MAP4: variants seen among roughly 807,000 people sequenced by gnomAD.
MAP4 encodes microtubule-associated protein 4.
In MAP4, 76 loss-of-function variants were observed where a neutral mutation model predicts 170.2. The ratio of observed to expected loss-of-function variants is 0.45; its 90% CI spans 0.37 to 0.54. The LOEUF is 0.54. Ranked by LOEUF, MAP4 falls within the 20% of genes least tolerant of loss-of-function variation. MAP4 has a pLI of 0.00. For synonymous variants in MAP4, 909 were observed against 994.5 expected (o/e 0.91, Z 1.62); for missense variants, 2,506 against 2,748.0 (o/e 0.91, Z 1.97).
chr3:47,923,812 A>C (rs2100044320), intron 4 of MAP4, among the ~76,000 whole-genome samples: 1 of 152,038 alleles, frequency 6.6e-6, no homozygotes, highest in African/African-American at 2.4e-5. Context: ...GTGAAACCCC[A>C]TCTCAAAATA....
chr3:47,915,953 G>C lies in MAP4; in HGVS notation c.1874C>G (p.Pro625Arg). Residue 625 changes from proline (P) to arginine (R), a missense_variant and splice_region_variant, in exon 7 of 21, where the codon CCA becomes CGA. By Grantham distance (103) the Pro-to-Arg change is moderately radical. This residue lies in a region of MAP4 where 2,008 missense variants were observed against 2,206.0 expected (regional missense o/e 0.91). Coordinates refer to ENST00000683076, the MANE Select transcript of MAP4 (RefSeq NM_001385682.1). ...QSAAPTFMIS[P>R]ETVTGTGKKC... ...TGAGAATAAGCACAAGCACGTACCT[G>C]GTGAAATCATGAAAGTAGGTGCAGC... is the stretch of plus-strand genomic sequence containing the variant. 6.2e-7 allele frequency: 1 copy of C among 1,608,372 alleles called. No homozygotes were observed.
At chr3:47,933,239 G>A (rs1577885211) in intron 3 of MAP4, among the ~76,000 whole-genome samples, 3 of 152,224 alleles carry the variant, frequency 2.0e-5, no homozygotes, top group South Asian at 4.1e-4. Context: ...GGTCAGAAAA[G>A]GGACTGGCTT....
chr3:47,915,779 G>A (rs2100038430), intron 7 of MAP4, among the ~76,000 whole-genome samples, 172 bp downstream of exon 7: 1 of 152,206 alleles, frequency 6.6e-6, no homozygotes, highest in Non-Finnish European at 1.5e-5. Context: ...AGGTGTTGGA[G>A]GTGGGAGGAG....
At chr3:48,088,733 G>GCCGCCCCTCCAATCGGACC (rs1293547142) in intron 1 of MAP4, 1 of 152,596 alleles carries the variant, frequency 6.6e-6, no homozygotes, top group Admixed American at 6.5e-5. Context: ...CAGTGAGGAG[G>GCCGCCCCTCCAATCGGACC]CCGCCCCTCC....
chr3:48,005,253 C>T (rs1253695794), intron 1 of MAP4, among the ~76,000 whole-genome samples: 2 of 152,002 alleles, frequency 1.3e-5, no homozygotes, highest in East Asian at 1.9e-4. Context: ...CCCAGCTACT[C>T]GGCAGGCTGA....
At chr3:47,896,542 CA>C (rs2100026981) in intron 10 of MAP4, among the ~76,000 whole-genome samples, 1 of 151,644 alleles carries the variant, frequency 6.6e-6, no homozygotes, top group East Asian at 1.9e-4. Context: ...AACAAACAAA[CA>C]AAAAAACAAC....
chr3:48,079,152 G>A (rs940610574), intron 1 of MAP4, among the ~76,000 whole-genome samples: 7 of 151,948 alleles, frequency 4.6e-5, no homozygotes, highest in African/African-American at 1.2e-4. Context: ...GCAACAGAGC[G>A]AGACCCTGTC....
In MAP4 at chr3:47,850,713, C is replaced by CTTTA. The variant is rs956745256; in HGVS notation, c.*2217_*2220dup. 4 of 154,218 alleles carry CTTTA rather than the reference C, an allele frequency of 2.6e-5. No homozygotes were observed. Among genetic ancestry groups the CTTTA allele is most frequent in the African/African-American group, 9.6e-5 (4 of 41,530 alleles). 9.6% of individuals were successfully genotyped at this position (154,218 alleles called of 1,614,324 possible). On this transcript the variant is annotated 3_prime_UTR_variant, in exon 21 of 21. Transcript: ENST00000683076. Reference sequence around the variant, plus strand: ...GCCTGCGTGATGGGACATCAGGCAGCTTTATTTATTTACTCTTAAAACTGT... The same window carrying CTTTA: ...GCCTGCGTGATGGGACATCAGGCAGCTTTATTTATTTATTTACTCTTAAAACTGT...
rs769235654 is a variant in MAP4, at chr3:47,958,682, A to ATT, written c.292+19181_292+19182dup. Among the ~76,000 whole-genome samples, 425 of 121,442 alleles carry ATT rather than the reference A, an allele frequency of 3.5e-3. 4 individuals are homozygous for ATT. Among genetic ancestry groups the ATT allele is most frequent in the African/African-American group, 0.012 (399 of 32,340 alleles). The allele number at this position is 121,442 out of a possible 152,430, so 79.7% of individuals were successfully genotyped here. ...CAGGGGTGTGCACCACACCCGGCTA[A>ATT]TTTTTTTTTTTTTTTTTTTTGAGAC... is the stretch of plus-strand genomic sequence containing the variant. On this transcript the variant is annotated intron_variant, in intron 3 of 20. Coordinates refer to ENST00000683076, the MANE Select transcript of MAP4 (RefSeq NM_001385682.1).
chr3:48,086,028 G>GATGACACA (rs2100148804), intron 1 of MAP4, among the ~76,000 whole-genome samples: 3 of 151,972 alleles, frequency 2.0e-5, no homozygotes, highest in East Asian at 1.9e-4. Flanking sequence ...CTCCAGCCTG[G>GATGACACA]GCAACAGAGT....
Position 47,911,298 on chromosome 3 carries a change from C to A in MAP4, c.3123G>T (p.Leu1041Phe), listed in dbSNP as rs1377953169. 2.0e-6 allele frequency: 3 copies of A among 1,536,106 alleles called. No homozygotes were observed. Among genetic ancestry groups the A allele is most frequent in the South Asian group, 2.4e-5 (2 of 84,054 alleles). Reference protein sequence around the residue: ...FTSEQLQGQVLVQVPGVENEP... With the variant: ...FTSEQLQGQVFVQVPGVENEP... ...CATTCTCTACCCCAGGGACCTGTAC[C>A]AACACTTGGCCCTGCAGCTGCTCAG... Residue 1041 changes from leucine (L) to phenylalanine (F), a missense_variant, in exon 9 of 21, where the codon TTG (leucine) becomes TTT (phenylalanine). By Grantham distance (22) the Leu-to-Phe change is conservative. This residue lies in a region of MAP4 where 2,008 missense variants were observed against 2,206.0 expected (regional missense o/e 0.91). Coordinates refer to ENST00000683076, the MANE Select transcript of MAP4 (RefSeq NM_001385682.1). The surrounding 1 kb of genome is among the most constrained non-coding windows in gnomAD (Gnocchi z 4.0).
rs142178616 is a variant in MAP4 at position 48,036,408 on chromosome 3, C to T, written c.-19-37529G>A. ...ACACGTGAAACTGCCACACATTAAG[C>T]ATTCATCTCCTATTAACTTTATGCC... On this transcript the variant is annotated intron_variant, in intron 1 of 18. Transcript: ENST00000360240. 4.9e-3 allele frequency among the ~76,000 whole-genome samples: 744 copies of T among 152,324 alleles called. 4 individuals carry two copies. Among genetic ancestry groups the T allele is most frequent in the African/African-American group, 0.014 (573 of 41,584 alleles).
chr3:47,928,328 T>C lies in MAP4; in HGVS notation c.315A>G (p.Glu105=), dbSNP rs770441301. ...DTTGSPTEFL[E]EKMAYQEYPN... is the part of the protein sequence containing the mutation. ...GGTATTCCTGGTAGGCCATTTTCTCTTCAAGGAATTCAGTTGGAGACCCTT... is the reference window on the plus strand; with the variant it reads ...GGTATTCCTGGTAGGCCATTTTCTCCTCAAGGAATTCAGTTGGAGACCCTT... Residue 105 remains glutamate (E), a synonymous_variant, in exon 4 of 21, where the codon GAA becomes GAG. Transcript: ENST00000683076. 30 of 1,614,030 alleles carry C rather than the reference T, an allele frequency of 1.9e-5. No homozygotes were observed. Among genetic ancestry groups the C allele is most frequent in the Admixed American group, 6.7e-5 (4 of 59,994 alleles).
intron 1 of MAP4, among the ~76,000 whole-genome samples, chr3:48,059,450 G>A (rs1167975885): frequency 2.7e-5 from 4 of 147,716 alleles, no homozygotes; most frequent in Non-Finnish European, 5.9e-5. Flanking sequence ...GGGAGGTGGA[G>A]GTTACAGTGA....
At chr3:47,872,159 G>A (rs2152239284) in intron 12 of MAP4, 59 bp from the exon 13 acceptor site, 5 of 1,351,838 alleles carry the variant, frequency 3.7e-6, no homozygotes, top group South Asian at 1.3e-5. Flanking sequence ...AAGGAGTCAC[G>A]CTACAAGATG....
At chr3:47,875,304 A>G (rs2094945409) in intron 12 of MAP4, among the ~76,000 whole-genome samples, 1 of 152,246 alleles carries the variant, frequency 6.6e-6, no homozygotes, top group African/African-American at 2.4e-5. Context: ...AAACTGGTTA[A>G]TAAGTGCTTA....
intron 10 of MAP4, among the ~76,000 whole-genome samples, chr3:47,899,506 C>T (rs755458922): frequency 7.2e-5 from 11 of 152,142 alleles, no homozygotes; most frequent in Non-Finnish European, 1.6e-4. Context: ...CTCCTGAGTT[C>T]TTTATATTAT....
chr3:48,059,421 A>G (rs1359624543), intron 1 of MAP4, among the ~76,000 whole-genome samples: 1 of 146,818 alleles, frequency 6.8e-6, no homozygotes, highest in East Asian at 2.2e-4. Flanking sequence ...AGGCTGAGGC[A>G]TGAGAATCAC....
rs2100039970 is a variant in MAP4, at chr3:47,917,069, G to C, written c.758C>G (p.Ser253Cys). Residue 253 changes from serine (S) to cysteine (C), a missense_variant, in exon 7 of 21, where the codon TCT becomes TGT. This residue lies in a region of MAP4 where 2,008 missense variants were observed against 2,206.0 expected (regional missense o/e 0.91). Coordinates refer to ENST00000683076, the MANE Select transcript of MAP4 (RefSeq NM_001385682.1). ...MGLKTTDMAP[S>C]KETEMALAKD... is the part of the protein sequence containing the mutation. ...GGCGAGGGCCATCTCTGTTTCTTTA[G>C]ATGGTGCCATGTCAGTAGTCTTCAG... The C allele has an allele frequency of 6.2e-7, 1 of 1,614,170 alleles. No individual in the cohort carries two copies. Among genetic ancestry groups the C allele is most frequent in the Non-Finnish European group, 8.5e-7 (1 of 1,180,038 alleles).
Sources: allele counts gnomAD v4.1 joint callset (sites outside exome capture counted in the v4.1 genomes callset), GRCh38; gene constraint gnomAD v4.1.1; regional missense constraint gnomAD v4.1.1; non-coding constraint Gnocchi (gnomAD v3.1); transcripts MANE v1.5; gene names NCBI Gene and HGNC (gene_info 2026-07-23, HGNC 2026-07-21).